The following ADAMTSL3 variants were observed in gnomAD, a reference collection of about 807,000 sequenced individuals.
The protein encoded by ADAMTSL3 is ADAMTS like 3, also known as ADAMTS-like protein 3.
Under a neutral mutation model 201.7 loss-of-function variants are expected in ADAMTSL3, and 128 were observed. The ratio of observed to expected loss-of-function variants is 0.63; its 90% CI spans 0.55 to 0.73. The LOEUF (loss-of-function observed/expected upper bound fraction) is 0.73. Ranked by LOEUF, ADAMTSL3 falls within the 30% of genes least tolerant of loss-of-function variation. ADAMTSL3 has a pLI of 0.00. For missense variants in ADAMTSL3, 1,990 were observed against 2,119.6 expected (o/e 0.94, Z 1.20); for synonymous variants, 738 against 748.4 (o/e 0.99, Z 0.23).
intron 6 of ADAMTSL3, among the ~76,000 whole-genome samples, chr15:83,822,842 G>A (rs2063913167): frequency 6.6e-6 from 1 of 152,050 alleles, no homozygotes; most frequent in South Asian, 2.1e-4. Flanking sequence ...GCCAAGGCAG[G>A]CGGCTGGGAG....
chr15:84,006,824 G>A (rs1381959594), intron 23 of ADAMTSL3, among the ~76,000 whole-genome samples: 1 of 152,188 alleles, frequency 6.6e-6, no homozygotes, highest in Non-Finnish European at 1.5e-5. Context: ...ATGTTTACAC[G>A]TGTAACGATG....
At chr15:83,885,052 G>A (rs753924385) in intron 9 of ADAMTSL3, 49 bp from the exon 10 acceptor site, 11 of 1,261,150 alleles carry the variant, frequency 8.7e-6, no homozygotes, top group Middle Eastern at 1.8e-4. Flanking sequence ...GGTGTGGAAA[G>A]CACTAGCTCC....
chr15:83,941,532 A>T (rs904662211), intron 17 of ADAMTSL3, among the ~76,000 whole-genome samples: 1 of 152,180 alleles, frequency 6.6e-6, no homozygotes, highest in Non-Finnish European at 1.5e-5. Context: ...ATTATACTCT[A>T]CAAATTATTT....
At position 83,855,032 on chromosome 15, in the gene ADAMTSL3, G is replaced by A. The variant is rs2064702495; in HGVS notation, c.728-3734G>A. On this transcript the variant is annotated intron_variant, in intron 7 of 29. Coordinates refer to ENST00000286744, the MANE Select transcript of ADAMTSL3 (RefSeq NM_207517.3). ...TGGTTATTTTTAGTGGACTTTGTGT[G>A]TGTGTGTGTCTGTGTGTGTGTGCAT... Among the ~76,000 whole-genome samples the A allele has an allele frequency of 2.0e-5, 3 of 152,264 alleles. No individual in the cohort carries two copies. In the Middle Eastern group the frequency reaches 0.01, roughly 518 times the overall value.
Position 83,892,906 on chromosome 15 carries a change from G to A in ADAMTSL3, c.1467+18G>A. The A allele has an allele frequency of 6.2e-7, 1 of 1,600,840 alleles. No homozygotes were observed. The highest frequency in any genetic ancestry group is 2.2e-5 in the East Asian group (1 of 44,746). ...GGTCTCAGGTAAGATTTGAGAATAT[G>A]CCACTTTTAATTAATTCTCATATTT... On this transcript the variant is annotated intron_variant, in intron 13 of 29. Transcript: ENST00000286744.
intron 19 of ADAMTSL3, among the ~76,000 whole-genome samples, chr15:83,958,325 G>A (rs1276246608): frequency 6.6e-6 from 1 of 152,170 alleles, no homozygotes; most frequent in East Asian, 1.9e-4. Context: ...CCACTAAAGG[G>A]CTTAAGAAGT....
chr15:83,934,208 G>A (rs924838394), intron 17 of ADAMTSL3, among the ~76,000 whole-genome samples: 11 of 152,178 alleles, frequency 7.2e-5, no homozygotes, highest in Non-Finnish European at 1.3e-4. Context: ...CCACAAGGGC[G>A]GAGCTTTCCA....
At chr15:84,015,418 G>A (rs2141896617) in intron 24 of ADAMTSL3, among the ~76,000 whole-genome samples, 1 of 152,322 alleles carries the variant, frequency 6.6e-6, no homozygotes, top group African/African-American at 2.4e-5. Flanking sequence ...GATAGGGGGT[G>A]CCAATGCAGG....
intron 8 of ADAMTSL3, chr15:83,861,433 G>A: frequency 6.1e-6 from 1 of 164,824 alleles, no homozygotes; most frequent in Non-Finnish European, 1.3e-5. Flanking sequence ...AACTTCCAGA[G>A]GAACGATCAG....
chr15:83,794,037 A>G (rs1596221380), intron 4 of ADAMTSL3, among the ~76,000 whole-genome samples: 1 of 152,324 alleles, frequency 6.6e-6, no homozygotes, highest in Non-Finnish European at 1.5e-5. Flanking sequence ...GAATACATAG[A>G]TGGCAAATAA....
At chr15:84,034,753 G>A (rs957723402) in intron 28 of ADAMTSL3, among the ~76,000 whole-genome samples, 3 of 152,162 alleles carry the variant, frequency 2.0e-5, no homozygotes, top group African/African-American at 4.8e-5. Context: ...ATCTACTGCC[G>A]TCAGAATCAG....
At chr15:83,896,045 C>G (rs910619621) in intron 13 of ADAMTSL3, among the ~76,000 whole-genome samples, 2 of 152,152 alleles carry the variant, frequency 1.3e-5, no homozygotes, top group Admixed American at 1.3e-4. Flanking sequence ...TTTCAAGCTC[C>G]TTAAAGCGGT....
intron 3 of ADAMTSL3, among the ~76,000 whole-genome samples, chr15:83,770,675 TA>T (rs2062967687): frequency 6.6e-6 from 1 of 152,228 alleles, no homozygotes. Flanking sequence ...TAATCTATAA[TA>T]TTTCTAATAT....
At chr15:83,763,607 C>A (rs1485012962) in intron 3 of ADAMTSL3, among the ~76,000 whole-genome samples, 1 of 151,852 alleles carries the variant, frequency 6.6e-6, no homozygotes, top group African/African-American at 2.4e-5. Context: ...CGGGTTCACG[C>A]CATTCTCCGG....
At chr15:83,954,014 CTT>C (rs1375088764) in intron 19 of ADAMTSL3, among the ~76,000 whole-genome samples, 2 of 152,128 alleles carry the variant, frequency 1.3e-5, no homozygotes, top group African/African-American at 2.4e-5. Context: ...AGGTAGTCCT[CTT>C]TGCACTAAGT....
intron 20 of ADAMTSL3, among the ~76,000 whole-genome samples, chr15:83,976,987 G>T (rs2067299552): frequency 1.3e-5 from 2 of 152,036 alleles, no homozygotes; most frequent in Non-Finnish European, 1.5e-5. Context: ...GAGATCAGGG[G>T]TCCCCAACCC....
chr15:83,871,084 A>C, intron 9 of ADAMTSL3, 125 bp downstream of exon 9: 1 of 1,091,016 alleles, frequency 9.2e-7, no homozygotes, highest in Non-Finnish European at 1.3e-6. Context: ...TGTGTCATCA[A>C]TATTTCCATC....
chr15:84,032,760 T>A (rs544511125), intron 28 of ADAMTSL3, among the ~76,000 whole-genome samples: 2 of 152,364 alleles, frequency 1.3e-5, no homozygotes, highest in East Asian at 3.9e-4. Context: ...GGACATTGGA[T>A]AGTTTCAAAC....
At chr15:83,911,548 C>T (rs1435226033) in intron 15 of ADAMTSL3, among the ~76,000 whole-genome samples, 4 of 152,156 alleles carry the variant, frequency 2.6e-5, no homozygotes, top group African/African-American at 9.7e-5. Flanking sequence ...TCCAGCATTG[C>T]CCCATCCTGG....
Sources: allele counts gnomAD v4.1 joint callset (sites outside exome capture counted in the v4.1 genomes callset), GRCh38; gene constraint gnomAD v4.1.1; transcripts MANE v1.5; gene names NCBI Gene and HGNC (gene_info 2026-07-23, HGNC 2026-07-21).